Variants in CASP8 observed in about 807,000 individuals in gnomAD.
CASP8 encodes the protein caspase-8.
In CASP8, 24 loss-of-function variants were observed where a neutral mutation model predicts 46.3. That is an observed-to-expected ratio of 0.52 (90% CI 0.38 to 0.73). The LOEUF (loss-of-function observed/expected upper bound fraction) is 0.73, where lower values mean the gene tolerates loss of function less well. Among genes scored for constraint, CASP8 ranks in the 30% least tolerant of loss-of-function variants. CASP8 has a pLI of 0.00. For missense variants in CASP8, 460 were observed against 559.0 expected, an observed-to-expected ratio of 0.82 and a Z score of 1.79; for synonymous variants, 188 against 200.4, an observed-to-expected ratio of 0.94 and a Z score of 0.52.
At chr2:201,238,282 C>T (rs1044049829) in intron 2 of CASP8, among the ~76,000 whole-genome samples, 7 of 152,112 alleles carry the variant, frequency 4.6e-5, no homozygotes, top group Admixed American at 1.3e-4. Context: ...GGGGAACTTG[C>T]TCTGTTTGAG....
chr2:201,244,117 A>C (rs752821277), intron 2 of CASP8, among the ~76,000 whole-genome samples: 62 of 152,210 alleles, frequency 4.1e-4, no homozygotes, highest in Non-Finnish European at 5.3e-4. Flanking sequence ...GTTAGGAGCC[A>C]GGTTATTAGT....
intron 7 of CASP8, among the ~76,000 whole-genome samples, chr2:201,277,530 TCATC>T (rs1273794290): frequency 6.6e-6 from 1 of 152,154 alleles, no homozygotes; most frequent in Non-Finnish European, 1.5e-5. Flanking sequence ...AAAATAAAAA[TCATC>T]CATCACCATT....
At chr2:201,270,925 G>T (rs1948203006) in intron 2 of CASP8, among the ~76,000 whole-genome samples, 1 of 152,286 alleles carries the variant, frequency 6.6e-6, no homozygotes, top group South Asian at 2.1e-4. Flanking sequence ...TGCTTGAGCT[G>T]ATTGTTCATG....
Position 201,284,578 on chromosome 2 carries a change from GAGGCAGGAGAATC to G in CASP8, c.803-230_803-218del, listed in dbSNP as rs1310740926. ...TGCAATCGCAGGCACTCGGCAGGCT[GAGGCAGGAGAATC>G]AGGCAGGGAGGTTGCAGTGAGCCGA... On this transcript the variant is annotated intron_variant, in intron 7 of 8. Coordinates refer to ENST00000673742, the MANE Select transcript of CASP8 (RefSeq NM_001372051.1). Among the ~76,000 whole-genome samples, 40 of 80,026 alleles carry G rather than the reference GAGGCAGGAGAATC, an allele frequency of 5.0e-4. 1 individual carries two copies. The highest frequency in any genetic ancestry group is 2.9e-5 in the Non-Finnish European group (1 of 34,136). 52.5% of individuals were successfully genotyped at this position (80,026 alleles called of 152,430 possible).
At chr2:201,267,688 A>G (rs1258206028) in intron 2 of CASP8, among the ~76,000 whole-genome samples, 1 of 152,204 alleles carries the variant, frequency 6.6e-6, no homozygotes, top group African/African-American at 2.4e-5. Context: ...AACATCTCCT[A>G]TTATCGGACA....
At chr2:201,260,369 C>T (rs755253552), upstream of CASP8, 5 of 180,120 alleles carry the variant, frequency 2.8e-5, no homozygotes, top group Admixed American at 1.3e-4. Flanking sequence ...GCCCTGCGTG[C>T]GGTCTCCTGG....
chr2:201,281,930 ATTCTTTTTTTTTTTTTTTTT>A, intron 7 of CASP8: 3 of 501,046 alleles, frequency 6.0e-6, no homozygotes, highest in Non-Finnish European at 5.2e-6. Context: ...TCTGGTTCAA[ATTCTTTTTTTTTTTTTTTTT>A]TTTTTATTGA....
intron 2 of CASP8, among the ~76,000 whole-genome samples, chr2:201,267,338 A>G (rs1287964112): frequency 6.6e-6 from 1 of 152,096 alleles, no homozygotes; most frequent in African/African-American, 2.4e-5. Flanking sequence ...GATGGCTATG[A>G]AAATTTTCAA....
At chr2:201,249,257 A>G (rs1217027768) in intron 2 of CASP8, among the ~76,000 whole-genome samples, 1 of 152,210 alleles carries the variant, frequency 6.6e-6, no homozygotes, top group Non-Finnish European at 1.5e-5. Flanking sequence ...GTGGGTAGGA[A>G]ATCAAGGCTC....
chr2:201,235,680 A>G (rs1311905334), intron 2 of CASP8, among the ~76,000 whole-genome samples: 3 of 152,220 alleles, frequency 2.0e-5, no homozygotes. Flanking sequence ...ATGGCATATA[A>G]AGTATATAAT....
chr2:201,244,649 A>G lies in CASP8; in HGVS notation c.-27+10537A>G, dbSNP rs140278597. 2.9e-3 allele frequency among the ~76,000 whole-genome samples: 448 copies of G among 152,342 alleles called. 3 individuals are homozygous for G. Among genetic ancestry groups the G allele is most frequent in the African/African-American group, 0.01 (419 of 41,580 alleles). The stretch of plus-strand genomic sequence containing the variant: ...GCAACAAAGCCACTTTATGGAAAAC[A>G]TTGAATTAGAAGCCTCAAGTTGATA... On this transcript the variant is annotated intron_variant, in intron 2 of 6. Coordinates refer to the CASP8 transcript ENST00000264274.
At chr2:201,274,427 C>T (rs1467713891) in intron 5 of CASP8, among the ~76,000 whole-genome samples, 1 of 152,196 alleles carries the variant, frequency 6.6e-6, no homozygotes, top group African/African-American at 2.4e-5. Context: ...CAGAATCTCT[C>T]TGGCTTGAAA....
upstream of CASP8, chr2:201,258,504 C>T (rs1947150340): frequency 8.7e-7 from 1 of 1,148,412 alleles, no homozygotes; most frequent in Non-Finnish European, 1.3e-6. Context: ...CTTCTGAGGA[C>T]ACCTCTGGGT....
chr2:201,277,759 G>C (rs1056787232), intron 7 of CASP8: 1 of 416,402 alleles, frequency 2.4e-6, no homozygotes, highest in South Asian at 1.7e-5. Context: ...GGAGTGCAGT[G>C]GTGTGATCTC....
At chr2:201,270,084 TCAA>T (rs1948134406) in intron 2 of CASP8, among the ~76,000 whole-genome samples, 1 of 152,240 alleles carries the variant, frequency 6.6e-6, no homozygotes, top group South Asian at 2.1e-4. Context: ...AATTTTAAAG[TCAA>T]CGTGTTTTTG....
In CASP8 at chr2:201,272,754, C is replaced by T. The variant is rs774015258; in HGVS notation, c.528C>T (p.Asn176=). 6.2e-6 allele frequency: 10 copies of T among 1,613,994 alleles called. No individual in the cohort carries two copies. The highest frequency in any genetic ancestry group is 2.7e-5 in the African/African-American group (2 of 74,894). The part of the protein sequence containing the change: ...QINKSLLKII[N]DYEEFSKERS... ...ACAAGAGCCTGCTGAAGATAATCAA[C>T]GACTATGAAGAATTCAGCAAAGGTA... Residue 176 remains asparagine (N), a synonymous_variant, in exon 4 of 9, where the codon AAC becomes AAT. Transcript: ENST00000673742. The surrounding 1 kb of genome is among the most constrained non-coding windows in gnomAD (Gnocchi z 4.4).
chr2:201,247,845 T>C (rs910322302), intron 2 of CASP8, among the ~76,000 whole-genome samples: 8 of 152,308 alleles, frequency 5.3e-5, no homozygotes, highest in East Asian at 1.9e-4. Context: ...AGCGTTTCAC[T>C]GTTTTAGCCA....
chr2:201,264,928 C>T lies in CASP8; in HGVS notation c.-26-1533C>T, dbSNP rs1036552726. 3.3e-5 allele frequency among the ~76,000 whole-genome samples: 5 copies of T among 152,120 alleles called. No individual in the cohort carries two copies. The East Asian group carries it at 7.7e-4, about 23-fold the overall frequency. On this transcript the variant is annotated intron_variant, in intron 1 of 8. Coordinates refer to ENST00000673742, the MANE Select transcript of CASP8 (RefSeq NM_001372051.1). The stretch of plus-strand genomic sequence containing the variant: ...GGGTAGTTTGTCATCAGGAGGGTGA[C>T]GCCGGTAGGGCTGGGGGCCAGCTCC...
At chr2:201,277,113 C>T (rs1210718014) in intron 7 of CASP8, 145 bp downstream of exon 7, 1 of 615,218 alleles carries the variant, frequency 1.6e-6, no homozygotes, top group East Asian at 2.9e-5. Flanking sequence ...AGGTAAAGAA[C>T]ATTCTTATAC....
Sources: allele counts gnomAD v4.1 joint callset (sites outside exome capture counted in the v4.1 genomes callset), GRCh38; gene constraint gnomAD v4.1.1; non-coding constraint Gnocchi (gnomAD v3.1); transcripts MANE v1.5; gene names NCBI Gene and HGNC (gene_info 2026-07-23, HGNC 2026-07-21).